Variants in HTT observed in about 807,000 individuals in gnomAD.
HTT encodes the protein huntingtin, also known as huntington disease protein.
Under a neutral mutation model 362.3 loss-of-function variants are expected in HTT, and 104 were observed. That is an observed-to-expected ratio of 0.29 (90% CI 0.24 to 0.34). HTT has a LOEUF of 0.34. Ranked by LOEUF, HTT falls within the 10% of genes least tolerant of loss-of-function variation. The probability of loss-of-function intolerance (pLI) is 1.00; values close to 1 mark genes in which losing one functional copy is unlikely to be tolerated. For missense variants in HTT, 3,301 were observed against 3,928.6 expected (o/e 0.84, Z 4.27); for synonymous variants, 1,577 against 1,548.7 (o/e 1.02, Z -0.43).
In HTT at chr4:3,217,858, G is replaced by T. The variant is rs369049561; in HGVS notation, c.7148G>T (p.Gly2383Val). 2 of 1,614,178 alleles carry T rather than the reference G, an allele frequency of 1.2e-6. No homozygotes were observed. Among genetic ancestry groups the T allele is most frequent in the Non-Finnish European group, 1.7e-6 (2 of 1,180,002 alleles). ...VLALGHKRNS[G>V]VPAFLTPLLR... is the part of the protein sequence containing the mutation. ...GCCTTGGGTCATAAAAGGAATAGCG[G>T]CGTGCCGGCGTTTCTCACGCCATTG... Residue 2383 changes from glycine (G) to valine (V), a missense_variant, in exon 52 of 67, where the codon GGC becomes GTC. Around this residue, in one of 4 missense-constraint regions of HTT, gnomAD observed 753 missense variants for 1,021.3 expected, o/e 0.74. Transcript: ENST00000355072.
chr4:3,099,252 T>A, intron 2 of HTT, 22 bp from the exon 3 acceptor site: 1 of 1,581,472 alleles, frequency 6.3e-7, no homozygotes. Flanking sequence ...CTCTTGACAG[T>A]TTCTCTTCTT....
chr4:3,172,812 A>T, intron 30 of HTT, 96 bp from the exon 31 acceptor site: 1 of 864,100 alleles, frequency 1.2e-6, no homozygotes, highest in Non-Finnish European at 2.0e-6. Flanking sequence ...TTGCTAACAT[A>T]TCCAGTTATT....
At chr4:3,222,684 C>A (rs1278084697) in intron 54 of HTT, among the ~76,000 whole-genome samples, 197 bp downstream of exon 54, 1 of 152,180 alleles carries the variant, frequency 6.6e-6, no homozygotes, top group Non-Finnish European at 1.5e-5. Context: ...CTGCGATTAC[C>A]AATGGCTGGA....
intron 3 of HTT, among the ~76,000 whole-genome samples, chr4:3,102,413 G>A (rs1714203114): frequency 6.6e-6 from 1 of 152,254 alleles, no homozygotes; most frequent in African/African-American, 2.4e-5. Context: ...ATCAAGGTTT[G>A]ATAAGGCTTC....
rs1560534891 is a variant in HTT, at chr4:3,074,904, CAG to C, written c.80_81del (p.Gln27ProfsTer55). The C allele has an allele frequency of 3.3e-6, 5 of 1,498,444 alleles. No homozygotes were observed. The highest frequency in any genetic ancestry group is 3.0e-5 in the African/African-American group (2 of 67,714). The allele number at this position is 1,498,444 out of a possible 1,614,324, so 92.8% of individuals were successfully genotyped here. ...FQQQQQQQQQ[Q>X]QQQQQQQQQQ... ...GCAGCAGCAGCAGCAGCAGCAGCAG[CAG>C]CAGCAGCAGCAGCAGCAGCAGCAGC... On this transcript the variant is annotated frameshift_variant, in exon 1 of 67. Transcript: ENST00000355072. LOFTEE classifies it high-confidence loss of function.
intron 2 of HTT, among the ~76,000 whole-genome samples, chr4:3,091,662 T>C (rs1251866720): frequency 6.6e-6 from 1 of 152,218 alleles, no homozygotes. Flanking sequence ...AGTAAGTGCT[T>C]ATTGTTTAAA....
At chr4:3,087,465 G>C (rs146811099) in intron 2 of HTT, among the ~76,000 whole-genome samples, 1 of 152,146 alleles carries the variant, frequency 6.6e-6, no homozygotes, top group Non-Finnish European at 1.5e-5. Flanking sequence ...TCTGTGCTTC[G>C]GGATTAGTGG....
In HTT at chr4:3,122,913, C is replaced by T; in HGVS notation, c.1298C>T (p.Pro433Leu). The change falls in exon 10 of 67, where the codon CCT (proline) becomes CTT (leucine). Residue 433 changes from proline (P) to leucine (L), a missense_variant. By Grantham distance (98) the Pro-to-Leu change is moderately conservative. This residue lies in a region of HTT where 2,316 missense variants were observed against 2,658.5 expected (regional missense o/e 0.87). Transcript: ENST00000355072. ...LIAGGGSSCS[P>L]VLSRKQKGKV... is the part of the protein sequence containing the mutation. ...GCTGGAGGGGGTTCCTCATGCAGCC[C>T]TGTCCTTTCAAGAAAACAAAAAGGT... 6.2e-7 allele frequency: 1 copy of T among 1,612,012 alleles called. No homozygotes were observed. Among genetic ancestry groups the T allele is most frequent in the Non-Finnish European group, 8.5e-7 (1 of 1,178,864 alleles).
intron 21 of HTT, among the ~76,000 whole-genome samples, chr4:3,137,754 G>C (rs527798395): frequency 1.4e-4 from 21 of 152,306 alleles, no homozygotes; most frequent in African/African-American, 5.1e-4. Flanking sequence ...TCATAGTATA[G>C]ATGGACTTTT....
At chr4:3,222,311 G>A in intron 53 of HTT, 76 bp from the exon 54 acceptor site, 2 of 1,261,510 alleles carry the variant, frequency 1.6e-6, no homozygotes, top group Non-Finnish European at 2.3e-6. Flanking sequence ...GCCGTGCTGT[G>A]TCGGCGTAGC....
At chr4:3,114,469 C>T (rs1039491540) in intron 6 of HTT, among the ~76,000 whole-genome samples, 7 of 152,340 alleles carry the variant, frequency 4.6e-5, no homozygotes, top group South Asian at 2.1e-4. Flanking sequence ...ATGCTAACCA[C>T]GCCATGAAAG....
intron 56 of HTT, among the ~76,000 whole-genome samples, chr4:3,225,087 G>A (rs961718899): frequency 1.3e-5 from 2 of 152,086 alleles, no homozygotes; most frequent in Non-Finnish European, 1.5e-5. Context: ...GACATTTAGC[G>A]GGAGGCTGGT....
chr4:3,170,479 A>G (rs181728002), intron 29 of HTT, among the ~76,000 whole-genome samples: 27 of 152,044 alleles, frequency 1.8e-4, no homozygotes, highest in Middle Eastern at 6.8e-3. Flanking sequence ...ATCCTTTCCA[A>G]TGCTTCTTTC....
In HTT at chr4:3,121,226, A is replaced by G; in HGVS notation, c.1069-2A>G. The G allele has an allele frequency of 6.2e-7, 1 of 1,610,644 alleles. No homozygotes were observed. The highest frequency in any genetic ancestry group is 8.5e-7 in the Non-Finnish European group (1 of 1,176,836). ...AGAACACCTGTGTTTCTCTGTTTCT[A>G]GGTTTATGAACTGACGTTACATCAT... On this transcript the variant is annotated splice_acceptor_variant, in intron 8 of 66. Transcript: ENST00000355072. LOFTEE classifies it high-confidence loss of function.
At chr4:3,124,227 G>T (rs1460948821) in intron 10 of HTT, among the ~76,000 whole-genome samples, 2 of 152,266 alleles carry the variant, frequency 1.3e-5, no homozygotes, top group Non-Finnish European at 2.9e-5. Context: ...ACTAAGTTAC[G>T]CTGACACTTG....
chr4:3,223,369 C>T, intron 54 of HTT, 37 bp from the exon 55 acceptor site: 1 of 1,533,116 alleles, frequency 6.5e-7, no homozygotes, highest in African/African-American at 1.4e-5. Flanking sequence ...TTGTGGGTGT[C>T]TTGCTGCTCT....
intron 59 of HTT, 124 bp from the exon 60 acceptor site, chr4:3,229,763 G>A (rs528072168): frequency 4.2e-5 from 44 of 1,052,168 alleles, no homozygotes; most frequent in South Asian, 5.7e-5. Flanking sequence ...GCACACATGC[G>A]TCCCGCACAG....
intron 33 of HTT, 119 bp downstream of exon 33, chr4:3,175,226 T>C: frequency 1.0e-6 from 1 of 960,922 alleles, no homozygotes; most frequent in Non-Finnish European, 1.6e-6. Context: ...CATCAGTTGC[T>C]GCTGCTTATC....
chr4:3,154,638 A>G (rs899582712), intron 27 of HTT, among the ~76,000 whole-genome samples: 1 of 152,252 alleles, frequency 6.6e-6, no homozygotes, highest in Non-Finnish European at 1.5e-5. Flanking sequence ...ACTGGCTGAC[A>G]TGCAGCCCCT....
Sources: allele counts gnomAD v4.1 joint callset (sites outside exome capture counted in the v4.1 genomes callset), GRCh38; gene constraint gnomAD v4.1.1; regional missense constraint gnomAD v4.1.1; transcripts MANE v1.5; gene names NCBI Gene and HGNC (gene_info 2026-07-23, HGNC 2026-07-21).